Variants in RASAL2 observed in about 807,000 individuals in gnomAD.
The protein encoded by RASAL2 is RAS protein activator like 2, also known as ras GTPase-activating protein nGAP.
RASAL2 carries 58 observed loss-of-function variants against 128.9 expected under a neutral mutation model. That is an observed-to-expected ratio of 0.45 (90% CI 0.36 to 0.56). RASAL2 has a LOEUF of 0.56. RASAL2 is among the 20% of genes least tolerant of loss of function. RASAL2 has a pLI of 0.00. For synonymous variants in RASAL2, 561 were observed against 580.8 expected (o/e 0.97, Z 0.49); for missense variants, 1,360 against 1,601.6 (o/e 0.85, Z 2.57).
intron 1 of RASAL2, among the ~76,000 whole-genome samples, chr1:178,211,620 T>G (rs987840619): frequency 5.9e-5 from 9 of 152,146 alleles, no homozygotes; most frequent in African/African-American, 2.2e-4. Flanking sequence ...GCCCATGCTG[T>G]TCTCTTTGCT....
At chr1:178,221,710 T>C (rs1663619167) in intron 1 of RASAL2, among the ~76,000 whole-genome samples, 1 of 152,176 alleles carries the variant, frequency 6.6e-6, no homozygotes, top group South Asian at 2.1e-4. Flanking sequence ...CCATGTGAGC[T>C]TGAGAAGAAT....
intron 9 of RASAL2, among the ~76,000 whole-genome samples, chr1:178,450,137 C>T (rs981158309): frequency 6.6e-6 from 1 of 152,024 alleles, no homozygotes; most frequent in Non-Finnish European, 1.5e-5. Flanking sequence ...TAGTTTTGGC[C>T]ATTTCACCTG....
At chr1:178,224,980 T>G (rs1336909793) in intron 1 of RASAL2, among the ~76,000 whole-genome samples, 1 of 152,170 alleles carries the variant, frequency 6.6e-6, no homozygotes, top group African/African-American at 2.4e-5. Flanking sequence ...AATTATGTTC[T>G]GTGGATCATA....
At chr1:178,229,262 A>G (rs2102018404) in intron 1 of RASAL2, among the ~76,000 whole-genome samples, 1 of 152,332 alleles carries the variant, frequency 6.6e-6, no homozygotes, top group Admixed American at 6.5e-5. Context: ...TTTTGTAATT[A>G]GATAATGGCC....
intron 1 of RASAL2, among the ~76,000 whole-genome samples, chr1:178,131,929 A>G (rs1660135515): frequency 1.3e-5 from 2 of 152,146 alleles, no homozygotes; most frequent in Non-Finnish European, 1.5e-5. Context: ...CCCTATACTA[A>G]AATTCCAATT....
chr1:178,133,391 G>A (rs957318713), intron 1 of RASAL2, among the ~76,000 whole-genome samples: 2 of 151,798 alleles, frequency 1.3e-5, no homozygotes, highest in African/African-American at 4.8e-5. Context: ...TCTATGAATA[G>A]CAGGACAGAC....
At chr1:178,175,508 TATTTA>T (rs1444997886) in intron 1 of RASAL2, among the ~76,000 whole-genome samples, 4 of 151,546 alleles carry the variant, frequency 2.6e-5, no homozygotes, top group East Asian at 3.9e-4. Context: ...TAAACGTACT[TATTTA>T]ATTTACTTAA....
At chr1:178,232,904 G>A (rs778512689) in intron 1 of RASAL2, among the ~76,000 whole-genome samples, 63 of 151,862 alleles carry the variant, frequency 4.1e-4, no homozygotes, top group Non-Finnish European at 2.4e-4. Flanking sequence ...AACTACTACT[G>A]GTCCATAAAG....
At chr1:178,167,599 C>T (rs573628863) in intron 1 of RASAL2, among the ~76,000 whole-genome samples, 2 of 152,198 alleles carry the variant, frequency 1.3e-5, no homozygotes, top group South Asian at 4.1e-4. Context: ...TCTTCCAAAA[C>T]TTAACTACTA....
At chr1:178,424,272 T>C (rs1419839876) in intron 5 of RASAL2, among the ~76,000 whole-genome samples, 1 of 151,704 alleles carries the variant, frequency 6.6e-6, no homozygotes, top group African/African-American at 2.4e-5. Context: ...ATACGGAGTC[T>C]CACTCTGTCG....
chr1:178,252,843 T>C (rs949379739), intron 1 of RASAL2, among the ~76,000 whole-genome samples: 1 of 152,324 alleles, frequency 6.6e-6, no homozygotes, highest in Admixed American at 6.5e-5. Context: ...ATTCTTATTC[T>C]TTTTGCCACC....
intron 1 of RASAL2, among the ~76,000 whole-genome samples, chr1:178,184,073 T>C (rs1662208731): frequency 1.3e-5 from 2 of 152,214 alleles, no homozygotes; most frequent in South Asian, 4.1e-4. Context: ...ATTTTTTGTA[T>C]GCATATTTGC....
chr1:178,170,877 TTTGAG>T (rs1661682657), intron 1 of RASAL2, among the ~76,000 whole-genome samples: 1 of 151,892 alleles, frequency 6.6e-6, no homozygotes, highest in South Asian at 2.1e-4. Flanking sequence ...GTTTTGTTGA[TTTGAG>T]TTGTTCATGA....
chr1:178,320,454 G>T (rs1400970543), intron 3 of RASAL2, among the ~76,000 whole-genome samples: 1 of 152,196 alleles, frequency 6.6e-6, no homozygotes, highest in Non-Finnish European at 1.5e-5. Flanking sequence ...GACTCCGTGG[G>T]CGTAGGACCC....
At chr1:178,128,670 C>G (rs1659988345) in intron 1 of RASAL2, among the ~76,000 whole-genome samples, 1 of 152,086 alleles carries the variant, frequency 6.6e-6, no homozygotes, top group East Asian at 1.9e-4. Flanking sequence ...CCCACAAATT[C>G]CTTTGTATCT....
At chr1:178,178,520 AT>A (rs2101924019) in intron 1 of RASAL2, among the ~76,000 whole-genome samples, 1 of 152,272 alleles carries the variant, frequency 6.6e-6, no homozygotes, top group Admixed American at 6.5e-5. Context: ...TAGTTGAGGG[AT>A]TTTGCTCAAA....
At position 178,254,122 on chromosome 1, in the gene RASAL2, A is replaced by C. The variant is rs183818537; in HGVS notation, c.203-29442A>C. Among the ~76,000 whole-genome samples, 71 of 152,286 alleles carry C rather than the reference A, an allele frequency of 4.7e-4. No individual in the cohort carries two copies. In the South Asian group the frequency reaches 8.3e-3, roughly 18 times the overall value. The stretch of plus-strand genomic sequence containing the variant: ...GACTGGCCTACTTTCAGTTCCCAGA[A>C]TGTGCCATGTTCCTTTTCACCTCAA... On this transcript the variant is annotated intron_variant, in intron 1 of 17. Transcript: ENST00000367649.
At chr1:178,115,891 A>G (rs1348431261) in intron 1 of RASAL2, among the ~76,000 whole-genome samples, 1 of 151,184 alleles carries the variant, frequency 6.6e-6, no homozygotes, top group Non-Finnish European at 1.5e-5. Flanking sequence ...TGAGGAATGG[A>G]TATGGGGGCA....
At chr1:178,380,990 T>C (rs1672251565) in intron 3 of RASAL2, among the ~76,000 whole-genome samples, 1 of 152,144 alleles carries the variant, frequency 6.6e-6, no homozygotes, top group South Asian at 2.1e-4. Flanking sequence ...AGTAGATGAA[T>C]TGAAGTTGAT....
Sources: allele counts gnomAD v4.1 joint callset (sites outside exome capture counted in the v4.1 genomes callset), GRCh38; gene constraint gnomAD v4.1.1; transcripts MANE v1.5; gene names NCBI Gene and HGNC (gene_info 2026-07-23, HGNC 2026-07-21).